The following LINGO2 variants were observed in gnomAD, a reference collection of about 807,000 sequenced individuals.
LINGO2 encodes leucine rich repeat and Ig domain containing 2.
LINGO2 carries 14 observed loss-of-function variants against 30.6 expected under a neutral mutation model. That is an observed-to-expected ratio of 0.46 (90% confidence interval 0.30 to 0.72). The LOEUF is 0.72. Ranked by LOEUF, LINGO2 falls within the 30% of genes least tolerant of loss-of-function variation. The pLI is 0.07. For missense variants in LINGO2, 729 were observed against 751.7 expected (o/e 0.97, Z 0.35); for synonymous variants, 317 against 288.5 (o/e 1.10, Z -1.00).
At chr9:29,117,902 T>G in the LINGO2 span, among the ~76,000 whole-genome samples, 2 of 152,210 alleles carry the variant, frequency 1.3e-5, no homozygotes, top group Non-Finnish European at 2.9e-5. Flanking sequence ...TATTTAGTTG[T>G]CCAGTATCTT....
At chr9:28,318,753 C>T (rs550984035) in intron 3 of LINGO2, among the ~76,000 whole-genome samples, 1 of 152,186 alleles carries the variant, frequency 6.6e-6, no homozygotes, top group East Asian at 1.9e-4. Flanking sequence ...AATATAAAGA[C>T]CTAAGATTAC....
the LINGO2 span, among the ~76,000 whole-genome samples, chr9:28,708,871 GT>G: frequency 6.6e-6 from 1 of 151,782 alleles, no homozygotes; most frequent in African/African-American, 2.4e-5. Flanking sequence ...TTAAATCAAG[GT>G]AATGACCCTA....
At chr9:28,391,604 C>CGT (rs35676869) in intron 2 of LINGO2, among the ~76,000 whole-genome samples, 5,937 of 147,810 alleles carry the variant, frequency 0.04, 137 homozygotes, top group African/African-American at 0.055. Context: ...TTTATGTTTG[C>CGT]GTGTGTGTGT....
At chr9:28,029,756 T>G (rs755729336) in intron 4 of LINGO2, among the ~76,000 whole-genome samples, 1 of 152,182 alleles carries the variant, frequency 6.6e-6, no homozygotes, top group African/African-American at 2.4e-5. Context: ...GGTGCTGATA[T>G]TATATAAAAT....
At chr9:29,139,212 A>G in the LINGO2 span, among the ~76,000 whole-genome samples, 1 of 152,162 alleles carries the variant, frequency 6.6e-6, no homozygotes, top group Non-Finnish European at 1.5e-5. Context: ...GCTTGGAAGC[A>G]GATCATTCCC....
chr9:29,016,089 C>T, the LINGO2 span, among the ~76,000 whole-genome samples: 4 of 152,132 alleles, frequency 2.6e-5, no homozygotes, highest in Admixed American at 2.0e-4. Flanking sequence ...TGTTTTACTT[C>T]AGAGATTCTG....
chr9:28,058,715 A>G lies in LINGO2; in HGVS notation c.-86-46310T>C, dbSNP rs376431984. On this transcript the variant is annotated intron_variant, in intron 4 of 5. Coordinates refer to ENST00000379992, the Ensembl canonical transcript of LINGO2. ...TATAGTAACAGTCTAATCAGAAAAT[A>G]AAACCATAAAATTCCAAACTTATCA... 1.6e-4 allele frequency among the ~76,000 whole-genome samples: 25 copies of G among 152,278 alleles called. 1 individual carries two copies. In the East Asian group the frequency reaches 3.1e-3, roughly 19 times the overall value.
chr9:28,673,073 T>TA (rs1829083226), upstream of LINGO2, among the ~76,000 whole-genome samples: 5 of 152,190 alleles, frequency 3.3e-5, no homozygotes, highest in African/African-American at 1.2e-4. Context: ...TGATAAAACT[T>TA]ACAATAGCAT....
chr9:28,805,768 T>C, the LINGO2 span, among the ~76,000 whole-genome samples: 6 of 152,086 alleles, frequency 3.9e-5, no homozygotes, highest in Non-Finnish European at 7.4e-5. Flanking sequence ...CCACAGAACA[T>C]TGAATCCTCT....
chr9:28,896,740 T>C, the LINGO2 span, among the ~76,000 whole-genome samples: 2 of 152,170 alleles, frequency 1.3e-5, no homozygotes, highest in Non-Finnish European at 2.9e-5. Flanking sequence ...TTTACTCATA[T>C]GTATTCATAT....
intron 2 of LINGO2, among the ~76,000 whole-genome samples, chr9:28,390,574 G>A (rs868839620): frequency 5.5e-5 from 8 of 145,170 alleles, no homozygotes; most frequent in South Asian, 2.2e-4. Context: ...ATACATAAAT[G>A]AAAAAAAAAA....
chr9:28,190,837 C>T (rs1472682890), intron 4 of LINGO2, among the ~76,000 whole-genome samples: 1 of 152,148 alleles, frequency 6.6e-6, no homozygotes, highest in Non-Finnish European at 1.5e-5. Flanking sequence ...ATAATAGATA[C>T]TCTTGCTGAA....
At chr9:28,427,146 C>T (rs1823446992) in intron 2 of LINGO2, among the ~76,000 whole-genome samples, 2 of 151,990 alleles carry the variant, frequency 1.3e-5, no homozygotes, top group South Asian at 4.1e-4. Flanking sequence ...ATGAGCACTT[C>T]CCATGCAGTA....
rs796600128 is a variant in LINGO2, at chr9:28,464,412, T to A, written c.-279+11528A>T. 7.9e-5 allele frequency among the ~76,000 whole-genome samples: 12 copies of A among 152,326 alleles called. No homozygotes were observed. In the East Asian group the frequency reaches 1.7e-3, roughly 22 times the overall value. Reference sequence around the variant, plus strand: ...GATGAATGAACATTCAATCTTCTGTTTAATAACACCTACTAATGGTTGTTT... The same window carrying A: ...GATGAATGAACATTCAATCTTCTGTATAATAACACCTACTAATGGTTGTTT... On this transcript the variant is annotated intron_variant, in intron 2 of 5. Transcript: ENST00000379992.
chr9:28,863,030 A>C, the LINGO2 span, among the ~76,000 whole-genome samples: 9 of 152,190 alleles, frequency 5.9e-5, no homozygotes, highest in African/African-American at 2.2e-4. Context: ...TACTGTTTCC[A>C]GAAGAGTAAA....
chr9:28,052,563 C>T (rs1031966641), intron 4 of LINGO2, among the ~76,000 whole-genome samples: 3 of 152,034 alleles, frequency 2.0e-5, no homozygotes, highest in Admixed American at 2.0e-4. Flanking sequence ...CAGTCCTTTA[C>T]CTGGAAGCAG....
the LINGO2 span, among the ~76,000 whole-genome samples, chr9:29,039,663 C>T: frequency 6.6e-6 from 1 of 152,090 alleles, no homozygotes; most frequent in African/African-American, 2.4e-5. Context: ...CCTTTCTAAC[C>T]TAAATCTACT....
At chr9:28,879,660 T>G in the LINGO2 span, among the ~76,000 whole-genome samples, 1 of 151,910 alleles carries the variant, frequency 6.6e-6, no homozygotes, top group African/African-American at 2.4e-5. Context: ...ACAACCACCC[T>G]AACCTACACC....
intron 4 of LINGO2, among the ~76,000 whole-genome samples, chr9:28,143,380 G>T (rs1563999313): frequency 6.6e-6 from 1 of 152,128 alleles, no homozygotes; most frequent in African/African-American, 2.4e-5. Flanking sequence ...TATGGAGAAA[G>T]GATTAGTGCT....
Sources: gnomAD v4.1 joint callset for allele counts (sites outside exome capture counted in the v4.1 genomes callset) on GRCh38, gnomAD v4.1.1 for gene constraint, MANE v1.5 for transcripts, NCBI Gene and HGNC (gene_info 2026-07-23, HGNC 2026-07-21) for gene names.